Variants in PAPPA2 observed in about 807,000 individuals in gnomAD.
The protein encoded by PAPPA2 is pappalysin 2, also known as pappalysin-2.
Under a neutral mutation model 176.4 loss-of-function variants are expected in PAPPA2, and 86 were observed. That is an observed-to-expected ratio of 0.49 (90% CI 0.41 to 0.58). The LOEUF is 0.58. Ranked by LOEUF, PAPPA2 falls within the 20% of genes least tolerant of loss-of-function variation. The pLI, the probability that PAPPA2 is intolerant of heterozygous loss-of-function variation, is 0.00. For missense variants in PAPPA2, 2,073 were observed against 2,256.9 expected (o/e 0.92, Z 1.65); for synonymous variants, 809 against 852.2 (o/e 0.95, Z 0.88).
chr1:176,642,995 T>C (rs1183814697), intron 3 of PAPPA2, among the ~76,000 whole-genome samples: 1 of 151,854 alleles, frequency 6.6e-6, no homozygotes, highest in Non-Finnish European at 1.5e-5. Flanking sequence ...TTTCTGGGTG[T>C]CAGTTTTTTT....
chr1:176,594,259 C>T (rs185158842), intron 2 of PAPPA2, among the ~76,000 whole-genome samples: 243 of 152,336 alleles, frequency 1.6e-3, no homozygotes, highest in Middle Eastern at 0.01. Flanking sequence ...CATCTGCTTT[C>T]CAGCTTCCAT....
chr1:176,661,132 T>C (rs1366970106), intron 3 of PAPPA2, among the ~76,000 whole-genome samples: 1 of 152,160 alleles, frequency 6.6e-6, no homozygotes, highest in Non-Finnish European at 1.5e-5. Flanking sequence ...TTTGTCGCAT[T>C]ATTCTTTTGC....
At chr1:176,825,145 G>T (rs1666808718) in intron 21 of PAPPA2, among the ~76,000 whole-genome samples, 1 of 152,092 alleles carries the variant, frequency 6.6e-6, no homozygotes, top group Admixed American at 6.5e-5. Flanking sequence ...TTCCTGACAG[G>T]ATCTCTGGAA....
intron 1 of PAPPA2, among the ~76,000 whole-genome samples, chr1:176,542,675 T>C (rs1018866419): frequency 2.0e-5 from 3 of 152,146 alleles, no homozygotes; most frequent in African/African-American, 7.2e-5. Flanking sequence ...TAGGAGGACA[T>C]CTGACAAGCT....
chr1:176,557,837 G>A (rs898022027), intron 2 of PAPPA2, among the ~76,000 whole-genome samples: 1 of 152,212 alleles, frequency 6.6e-6, no homozygotes, highest in Non-Finnish European at 1.5e-5. Context: ...CTTAGGAACA[G>A]TAGGGTCCAC....
chr1:176,524,637 G>A (rs1649382184), intron 1 of PAPPA2, among the ~76,000 whole-genome samples: 1 of 152,144 alleles, frequency 6.6e-6, no homozygotes, highest in African/African-American at 2.4e-5. Flanking sequence ...GTTCAGCATG[G>A]GGTAAAGAAG....
chr1:176,641,777 G>C (rs1404210984), intron 3 of PAPPA2, among the ~76,000 whole-genome samples: 2 of 151,874 alleles, frequency 1.3e-5, no homozygotes, highest in Non-Finnish European at 2.9e-5. Context: ...AGGAACCACT[G>C]TTTCTCATAA....
chr1:176,630,549 A>G (rs1228256207), intron 3 of PAPPA2, among the ~76,000 whole-genome samples: 2 of 152,208 alleles, frequency 1.3e-5, no homozygotes, highest in East Asian at 1.9e-4. Context: ...TTGTAGAAGT[A>G]TGGAGAATGG....
At chr1:176,825,156 G>A (rs6657201) in intron 21 of PAPPA2, among the ~76,000 whole-genome samples, 151,803 of 152,330 alleles carry the variant, frequency 1, 75,640 homozygotes, top group Middle Eastern at 1. Context: ...ATCTCTGGAA[G>A]TTCTTTGGAT....
chr1:176,466,397 G>T (rs988996279), intron 1 of PAPPA2, among the ~76,000 whole-genome samples: 2 of 151,990 alleles, frequency 1.3e-5, no homozygotes, highest in African/African-American at 4.8e-5. Flanking sequence ...ATTGGCTAGG[G>T]TCCTTCCAAT....
chr1:176,839,573 C>T (rs1667403061), intron 21 of PAPPA2, among the ~76,000 whole-genome samples: 2 of 152,126 alleles, frequency 1.3e-5, no homozygotes, highest in African/African-American at 2.4e-5. Flanking sequence ...GCTGGACAGA[C>T]ACCATCTGAG....
intron 21 of PAPPA2, among the ~76,000 whole-genome samples, chr1:176,808,419 G>T (rs987445266): frequency 1.3e-5 from 2 of 152,320 alleles, no homozygotes; most frequent in Non-Finnish European, 2.9e-5. Flanking sequence ...TCATCTTCCA[G>T]TGGTTCTCAA....
rs1290033798 is a variant in PAPPA2 at position 176,771,088 on chromosome 1, C to A, written c.4623C>A (p.Cys1541Ter). ...ILNANLLLPH[C>*]LQDNHDVGTI... ...ATGCCAACTTGCTCCTGCCTCACTGCCTCCAGGACAACCACGACGTGGGCA... is the reference window on the plus strand; with the variant it reads ...ATGCCAACTTGCTCCTGCCTCACTGACTCCAGGACAACCACGACGTGGGCA... The change falls in exon 17 of 23, where the codon TGC (cysteine) becomes TGA (stop). Residue 1541 changes from cysteine to a stop codon, truncating the protein, a stop_gained. Transcript: ENST00000367662. LOFTEE classifies it high-confidence loss of function. 1.2e-6 allele frequency: 2 copies of A among 1,614,144 alleles called. No homozygotes were observed. The highest frequency in any genetic ancestry group is 1.7e-5 in the Admixed American group (1 of 60,024).
chr1:176,805,991 C>CAAAAAA (rs11439850), intron 21 of PAPPA2, among the ~76,000 whole-genome samples: 2 of 76,588 alleles, frequency 2.6e-5, no homozygotes, highest in African/African-American at 5.3e-5. Context: ...CTGTCTCTCT[C>CAAAAAA]AAAAAAAAAA....
intron 3 of PAPPA2, among the ~76,000 whole-genome samples, chr1:176,618,785 ATC>A (rs1558476149): frequency 6.6e-6 from 1 of 152,228 alleles, no homozygotes; most frequent in Admixed American, 6.5e-5. Flanking sequence ...TATTCATTGC[ATC>A]TCTGTTTTAG....
intron 14 of PAPPA2, among the ~76,000 whole-genome samples, chr1:176,761,118 G>T (rs1663680630): frequency 6.6e-6 from 1 of 152,110 alleles, no homozygotes; most frequent in Admixed American, 6.5e-5. Flanking sequence ...ACCGCACCCG[G>T]CCAAAAACAT....
intron 12 of PAPPA2, among the ~76,000 whole-genome samples, chr1:176,737,470 G>A (rs1004447259): frequency 2.1e-4 from 32 of 152,156 alleles, no homozygotes; most frequent in Admixed American, 1.9e-3. Flanking sequence ...ACATACGTGG[G>A]GTCCGAATGA....
At chr1:176,793,058 G>A (rs971153088) in intron 19 of PAPPA2, among the ~76,000 whole-genome samples, 4 of 152,050 alleles carry the variant, frequency 2.6e-5, no homozygotes, top group Non-Finnish European at 5.9e-5. Flanking sequence ...ATAATTTCTG[G>A]GCCATTTCCC....
chr1:176,795,629 T>C (rs1264539443), intron 20 of PAPPA2, among the ~76,000 whole-genome samples: 3 of 152,208 alleles, frequency 2.0e-5, no homozygotes, highest in Admixed American at 1.3e-4. Flanking sequence ...CTAAATAGCA[T>C]TTGAAAGTGT....
Sources: gnomAD v4.1 joint callset for allele counts (sites outside exome capture counted in the v4.1 genomes callset) on GRCh38, gnomAD v4.1.1 for gene constraint, MANE v1.5 for transcripts, NCBI Gene and HGNC (gene_info 2026-07-23, HGNC 2026-07-21) for gene names.